The following IL36B variants were observed in gnomAD, a reference collection of about 807,000 sequenced individuals.
The protein encoded by IL36B is interleukin-36 beta.
Under a neutral mutation model 19.3 loss-of-function variants are expected in IL36B, and 23 were observed. The observed-to-expected ratio is 1.19, with a 90% CI of 0.86 to 1.69. The LOEUF is 1.69. Among genes scored for constraint, IL36B ranks in the 40% most tolerant of loss-of-function variants. IL36B has a pLI of 0.00. For missense variants in IL36B, 217 were observed against 200.5 expected, an observed-to-expected ratio of 1.08 and a Z score of -0.50; for synonymous variants, 59 against 59.7, an observed-to-expected ratio of 0.99 and a Z score of 0.05.
intron 1 of IL36B, among the ~76,000 whole-genome samples, chr2:113,038,673 C>T (rs993442298): frequency 6.6e-6 from 1 of 152,162 alleles, no homozygotes; most frequent in Non-Finnish European, 1.5e-5. Context: ...ATAGTAATGA[C>T]TTCAAGCCTG....
Position 113,031,678 on chromosome 2 carries a change from T to C in IL36B, c.13+19A>G. ...TCAGATGGAGATATTTCCAAGCTGA[T>C]TTGCAATTCACCACTTACGTTGTGG... is the stretch of plus-strand genomic sequence containing the variant. On this transcript the variant is annotated intron_variant, in intron 2 of 5. Transcript: ENST00000259213. 2 of 1,604,720 alleles carry C rather than the reference T, an allele frequency of 1.2e-6. No individual in the cohort carries two copies. The highest frequency in any genetic ancestry group is 8.5e-7 in the Non-Finnish European group (1 of 1,171,890).
chr2:113,027,770 T>C, intron 4 of IL36B: 3 of 1,461,314 alleles, frequency 2.1e-6, no homozygotes, highest in Non-Finnish European at 1.8e-6. Flanking sequence ...AGGTGGCTTT[T>C]GGATAGTAAG....
At position 113,022,620 on chromosome 2, in the gene IL36B, T is replaced by A; in HGVS notation, c.*54A>T. 8.7e-7 allele frequency: 1 copy of A among 1,150,284 alleles called. No individual in the cohort carries two copies. The highest frequency in any genetic ancestry group is 1.3e-6 in the Non-Finnish European group (1 of 761,322). 71.3% of individuals were successfully genotyped at this position (1,150,284 alleles called of 1,614,324 possible). A position where few individuals can be genotyped will look rare whatever the true frequency, so the allele number is the denominator to read the frequency against. ...ACTTATTCCATTTGTAGCATTTCAT[T>A]GATAGCAAACCCACTCAAAGATTGT... On this transcript the variant is annotated 3_prime_UTR_variant, in exon 6 of 6. Coordinates refer to ENST00000259213, the MANE Select transcript of IL36B (RefSeq NM_014438.5).
intron 1 of IL36B, among the ~76,000 whole-genome samples, chr2:113,046,382 T>G (rs1685350838): frequency 6.6e-6 from 1 of 152,096 alleles, no homozygotes; most frequent in African/African-American, 2.4e-5. Context: ...GCTAATTTTT[T>G]GTATTTTTAG....
intron 1 of IL36B, among the ~76,000 whole-genome samples, chr2:113,048,468 A>G (rs950179797): frequency 6.6e-6 from 1 of 152,096 alleles, no homozygotes; most frequent in Non-Finnish European, 1.5e-5. Context: ...ACACCCCCAA[A>G]ATTATAGCTA....
Position 113,031,179 on chromosome 2 carries a change from A to G in IL36B, c.14-24T>C, listed in dbSNP as rs780078577. The G allele has an allele frequency of 8.5e-6, 13 of 1,523,668 alleles. No individual in the cohort carries two copies. The African/African-American group carries it at 1.8e-4, about 21-fold the overall frequency. The allele number at this position is 1,523,668 out of a possible 1,614,324, so 94.4% of individuals were successfully genotyped here. A position where few individuals can be genotyped will look rare whatever the true frequency, so the allele number is the denominator to read the frequency against. ...CCCTGCCAGATGACAAAAATGCACA[A>G]AATACACGTGAGGTTATCAACTTCA... On this transcript the variant is annotated intron_variant, in intron 2 of 5. Transcript: ENST00000259213.
At chr2:113,043,989 A>G (rs1192611518) in intron 1 of IL36B, among the ~76,000 whole-genome samples, 1 of 152,134 alleles carries the variant, frequency 6.6e-6, no homozygotes, top group Non-Finnish European at 1.5e-5. Flanking sequence ...CAGCATGTCA[A>G]TTTCTTTAAT....
chr2:113,041,781 G>T (rs1481453543), intron 1 of IL36B, among the ~76,000 whole-genome samples: 2 of 152,180 alleles, frequency 1.3e-5, no homozygotes, highest in African/African-American at 4.8e-5. Flanking sequence ...CACCTATGTT[G>T]CCTAGGCTGG....
At chr2:113,041,859 C>T (rs916108815) in intron 1 of IL36B, among the ~76,000 whole-genome samples, 1 of 152,168 alleles carries the variant, frequency 6.6e-6, no homozygotes, top group Non-Finnish European at 1.5e-5. Context: ...CTCAAGAGAT[C>T]CTCCTGCCTC....
chr2:113,031,715 C>A lies in IL36B; in HGVS notation c.-6G>T. The A allele has an allele frequency of 6.2e-7, 1 of 1,609,292 alleles. No homozygotes were observed. The highest frequency in any genetic ancestry group is 1.1e-5 in the South Asian group (1 of 90,948). Reference sequence around the variant, plus strand: ...CACTTACGTTGTGGGTTCATGATGTCTTCAGAGCCTTTTGTGAAGAGAACA... The same window carrying A: ...CACTTACGTTGTGGGTTCATGATGTATTCAGAGCCTTTTGTGAAGAGAACA... On this transcript the variant is annotated 5_prime_UTR_variant, in exon 2 of 6. Transcript: ENST00000259213.
intron 5 of IL36B, among the ~76,000 whole-genome samples, chr2:113,024,565 C>G (rs1573363507): frequency 6.6e-6 from 1 of 152,274 alleles, no homozygotes; most frequent in East Asian, 1.9e-4. Context: ...GCTCTCGATC[C>G]AGGAGAGCAA....
chr2:113,027,643 A>G lies in IL36B; in HGVS notation c.261+1296T>C, dbSNP rs1397659950. On this transcript the variant is annotated intron_variant, in intron 4 of 5. Coordinates refer to ENST00000259213, the MANE Select transcript of IL36B (RefSeq NM_014438.5). ...GGGGGTTGACTAAACTGGGCATGGC[A>G]GCTGAGTGGATGGTGGGGTAAGATC... 18 of 1,306,232 alleles carry G rather than the reference A, an allele frequency of 1.4e-5. No individual in the cohort carries two copies. The Admixed American group carries it at 3.4e-4, about 25-fold the overall frequency. 80.9% of individuals were successfully genotyped at this position (1,306,232 alleles called of 1,614,324 possible). A position where few individuals can be genotyped will look rare whatever the true frequency, so the allele number is the denominator to read the frequency against.
chr2:113,026,288 T>A, intron 4 of IL36B: 3 of 1,607,386 alleles, frequency 1.9e-6, no homozygotes, highest in Non-Finnish European at 2.5e-6. Context: ...GGTTACACTG[T>A]CTCAAAGTTG....
rs1024483534 is a variant in IL36B, at chr2:113,022,222, T to C, written c.*452A>G. ...ACTAAACAGAGCGTTTCACTCCTCA[T>C]GCTCTAGTGAATAATTGCACATTAT... On this transcript the variant is annotated 3_prime_UTR_variant, in exon 6 of 6. Transcript: ENST00000259213. 2 of 153,780 alleles carry C rather than the reference T, an allele frequency of 1.3e-5. No individual in the cohort carries two copies. The highest frequency in any genetic ancestry group is 6.5e-5 in the Admixed American group (1 of 15,458). The allele number at this position is 153,780 out of a possible 1,614,324, so 9.5% of individuals were successfully genotyped here.
chr2:113,042,734 T>C (rs966323635), intron 1 of IL36B, among the ~76,000 whole-genome samples: 2 of 152,244 alleles, frequency 1.3e-5, no homozygotes, highest in South Asian at 2.1e-4. Flanking sequence ...CTATTACAAA[T>C]AGAGCTACTA....
chr2:113,032,586 G>A (rs1685096628), intron 1 of IL36B, among the ~76,000 whole-genome samples: 1 of 152,136 alleles, frequency 6.6e-6, no homozygotes, highest in Non-Finnish European at 1.5e-5. Context: ...GACTCCCAGA[G>A]GCACTTCGAG....
intron 4 of IL36B, among the ~76,000 whole-genome samples, chr2:113,027,045 C>T (rs1314899267): frequency 1.3e-5 from 2 of 152,118 alleles, no homozygotes. Context: ...TCATTTAACA[C>T]ATTTTGTATG....
intron 1 of IL36B, among the ~76,000 whole-genome samples, chr2:113,047,224 C>G (rs892411353): frequency 6.6e-6 from 1 of 152,060 alleles, no homozygotes; most frequent in Non-Finnish European, 1.5e-5. Flanking sequence ...TTAGGCTGCT[C>G]TTGTGTATTT....
intron 1 of IL36B, among the ~76,000 whole-genome samples, chr2:113,043,403 A>G (rs1337510900): frequency 1.3e-5 from 2 of 152,194 alleles, no homozygotes; most frequent in African/African-American, 2.4e-5. Flanking sequence ...GAAGCATTGT[A>G]GATTATGTTT....
Sources: gnomAD v4.1 joint callset for allele counts (sites outside exome capture counted in the v4.1 genomes callset) on GRCh38, gnomAD v4.1.1 for gene constraint, MANE v1.5 for transcripts, NCBI Gene and HGNC (gene_info 2026-07-23, HGNC 2026-07-21) for gene names.